The following MTFR1 variants were observed in gnomAD, a reference collection of about 807,000 sequenced individuals.
The protein encoded by MTFR1 is mitochondrial fission regulator 1.
Under a neutral mutation model 38.8 loss-of-function variants are expected in MTFR1, and 28 were observed. The observed-to-expected ratio is 0.72, with a 90% CI of 0.53 to 0.99. MTFR1 has a LOEUF of 0.99. Ranked by LOEUF, MTFR1 falls within the 50% of genes least tolerant of loss-of-function variation. The pLI is 0.00. For synonymous variants in MTFR1, 145 were observed against 137.0 expected (o/e 1.06, Z -0.41); for missense variants, 358 against 395.5 (o/e 0.91, Z 0.81).
chr8:65,719,745 G>GA (rs1320234397), intron 3 of MTFR1: 3 of 471,128 alleles, frequency 6.4e-6, no homozygotes, highest in Non-Finnish European at 1.1e-5. Flanking sequence ...AACCTTTTCT[G>GA]GTTATCCTTC....
rs62507641 is a variant in MTFR1 at position 65,726,256 on chromosome 8, T to C, written c.*48+6775T>C. ...ACCACACTATGGCAATGACGTGAGA[T>C]TTTATAAACCATCACCATCGTGTTA... On this transcript the variant is annotated intron_variant, in intron 3 of 3. Transcript: ENST00000521247. 4.4e-3 allele frequency among the ~76,000 whole-genome samples: 665 copies of C among 152,326 alleles called. 2 individuals carry two copies. Among genetic ancestry groups the C allele is most frequent in the Admixed American group, 7.4e-3 (113 of 15,292 alleles).
intron 3 of MTFR1, chr8:65,747,816 G>A: frequency 6.3e-7 from 1 of 1,584,062 alleles, no homozygotes; most frequent in Non-Finnish European, 8.6e-7. Context: ...GAAATAAAAA[G>A]AATAAAAGGT....
At chr8:65,760,092 T>C (rs921348927) in intron 3 of MTFR1, among the ~76,000 whole-genome samples, 1 of 151,894 alleles carries the variant, frequency 6.6e-6, no homozygotes, top group African/African-American at 2.4e-5. Flanking sequence ...ATGCAAAAAT[T>C]ATCTGGGTGT....
intron 3 of MTFR1, chr8:65,747,635 A>C (rs750477608): frequency 6.5e-7 from 1 of 1,545,396 alleles, no homozygotes. Context: ...ATGTTTTCTT[A>C]AAAAAACTAT....
At chr8:65,686,414 A>C (rs1385004585) in intron 3 of MTFR1, among the ~76,000 whole-genome samples, 2 of 151,490 alleles carry the variant, frequency 1.3e-5, no homozygotes, top group Non-Finnish European at 2.9e-5. Flanking sequence ...TCTACTAAAA[A>C]TACAAAAATT....
rs28515659 is a variant in MTFR1, at chr8:65,719,372, C to T, written c.382-8C>T. 10,670 of 1,614,000 alleles carry T rather than the reference C, an allele frequency of 6.6e-3. 496 individuals are homozygous for T. In the African/African-American group the frequency reaches 0.11, roughly 17 times the overall value. On this transcript the variant is annotated splice_region_variant and splice_polypyrimidine_tract_variant and intron_variant, in intron 2 of 3. Coordinates refer to the MTFR1 transcript ENST00000521247. ...AGTGTCCTCACTGCTCGACTGTTCTCTCTGCAGTCCCTTCCAGCTGGCTTT... is the reference window on the plus strand; with the variant it reads ...AGTGTCCTCACTGCTCGACTGTTCTTTCTGCAGTCCCTTCCAGCTGGCTTT...
chr8:65,674,776 G>T (rs1804664676), intron 2 of MTFR1, among the ~76,000 whole-genome samples: 1 of 152,064 alleles, frequency 6.6e-6, no homozygotes, highest in South Asian at 2.1e-4. Context: ...CTATGCCAGT[G>T]CTTACTGTGG....
intron 1 of MTFR1, among the ~76,000 whole-genome samples, chr8:65,655,162 A>G (rs944870191): frequency 2.6e-5 from 4 of 152,354 alleles, no homozygotes; most frequent in African/African-American, 9.6e-5. Context: ...GTGGGGTTAT[A>G]TTTCAGAGAT....
At position 65,754,942 on chromosome 8, in the gene MTFR1, C is replaced by T. The variant is rs1203388577; in HGVS notation, c.*49-16005C>T. Among the ~76,000 whole-genome samples, 7 of 149,534 alleles carry T rather than the reference C, an allele frequency of 4.7e-5. No individual in the cohort carries two copies. In the East Asian group the frequency reaches 1.0e-3, roughly 22 times the overall value. ...ATCGCGCCACTGCACTCCAGCCTGG[C>T]GACAGAGCGAGACTCCCTCAAAAAA... On this transcript the variant is annotated intron_variant, in intron 3 of 3. Transcript: ENST00000521247.
intron 3 of MTFR1, among the ~76,000 whole-genome samples, chr8:65,769,353 A>G (rs959587924): frequency 2.6e-5 from 4 of 152,184 alleles, no homozygotes; most frequent in Non-Finnish European, 5.9e-5. Flanking sequence ...GACTTAACTT[A>G]AAAATTACAG....
intron 3 of MTFR1, among the ~76,000 whole-genome samples, chr8:65,750,175 T>C (rs1807867045): frequency 6.6e-6 from 1 of 152,150 alleles, no homozygotes; most frequent in Admixed American, 6.5e-5. Flanking sequence ...AAGGCAAAGA[T>C]TATCATCTCC....
At chr8:65,700,546 A>G (rs1045800269) in intron 4 of MTFR1, among the ~76,000 whole-genome samples, 22 of 152,088 alleles carry the variant, frequency 1.4e-4, no homozygotes, top group Admixed American at 1.2e-3. Context: ...TAACAGAAGC[A>G]TTGACATCCT....
chr8:65,675,555 C>T (rs1360366896), intron 2 of MTFR1, among the ~76,000 whole-genome samples: 7 of 152,048 alleles, frequency 4.6e-5, no homozygotes, highest in Admixed American at 1.3e-4. Flanking sequence ...GCCAAGATCA[C>T]GCCACTGCAC....
intron 4 of MTFR1, among the ~76,000 whole-genome samples, chr8:65,700,956 C>T (rs1232139716): frequency 6.6e-6 from 1 of 152,198 alleles, no homozygotes; most frequent in Non-Finnish European, 1.5e-5. Flanking sequence ...GAGACAAATG[C>T]ATATCTGATT....
rs780813271 is a variant in MTFR1 at position 65,686,924 on chromosome 8, CA to C, written c.165+4487del. Among the ~76,000 whole-genome samples, 408 of 130,324 alleles carry C rather than the reference CA, an allele frequency of 3.1e-3. 1 individual carries two copies. The highest frequency in any genetic ancestry group is 4.2e-3 in the Middle Eastern group (1 of 238). The allele number at this position is 130,324 out of a possible 152,430, so 85.5% of individuals were successfully genotyped here. A position where few individuals can be genotyped will look rare whatever the true frequency, so the allele number is the denominator to read the frequency against. ...GGACGACAGAGCAAGACTCCATCTCCAAAAAAAAAAAAAAGTAACCAACAAA... is the reference window on the plus strand; with the variant it reads ...GGACGACAGAGCAAGACTCCATCTCCAAAAAAAAAAAAAGTAACCAACAAA... On this transcript the variant is annotated intron_variant, in intron 3 of 7. Coordinates refer to ENST00000262146, the MANE Select transcript of MTFR1 (RefSeq NM_014637.4).
At chr8:65,669,194 A>G (rs1339240443) in intron 1 of MTFR1, among the ~76,000 whole-genome samples, 1 of 152,174 alleles carries the variant, frequency 6.6e-6, no homozygotes, top group African/African-American at 2.4e-5. Context: ...GGTCTAGCAA[A>G]TGGACCAGTA....
intron 4 of MTFR1, among the ~76,000 whole-genome samples, chr8:65,694,226 C>A (rs577080229): frequency 6.6e-6 from 1 of 151,990 alleles, no homozygotes; most frequent in Non-Finnish European, 1.5e-5. Flanking sequence ...AGGCACGCAC[C>A]ACCACACCCA....
At chr8:65,711,767 C>CTAT (rs1233739163), downstream of MTFR1, among the ~76,000 whole-genome samples, 13 of 152,294 alleles carry the variant, frequency 8.5e-5, no homozygotes, top group Admixed American at 3.9e-4. Flanking sequence ...CCTTCCAAGA[C>CTAT]TATTATTATC....
chr8:65,729,350 T>A (rs917436325), intron 3 of MTFR1, among the ~76,000 whole-genome samples: 2 of 149,298 alleles, frequency 1.3e-5, no homozygotes, highest in Non-Finnish European at 3.0e-5. Flanking sequence ...CACAGTGAGT[T>A]TCGTTGGTGG....
Sources: gnomAD v4.1 joint callset for allele counts (sites outside exome capture counted in the v4.1 genomes callset) on GRCh38, gnomAD v4.1.1 for gene constraint, MANE v1.5 for transcripts, NCBI Gene and HGNC (gene_info 2026-07-23, HGNC 2026-07-21) for gene names.